C4orf51: variants seen among roughly 807,000 people sequenced by gnomAD.
C4orf51 encodes the protein chromosome 4 open reading frame 51.
In C4orf51, 25 loss-of-function variants were observed where a neutral mutation model predicts 25.2. That is an observed-to-expected ratio of 0.99 (90% CI 0.72 to 1.39). C4orf51 has a LOEUF of 1.39. Ranked by LOEUF, C4orf51 falls within the 40% of genes most tolerant of loss-of-function variation. The pLI is 0.00. For missense variants in C4orf51, 252 were observed against 239.6 expected, an observed-to-expected ratio of 1.05 and a Z score of -0.34; for synonymous variants, 100 against 84.5, an observed-to-expected ratio of 1.18 and a Z score of -1.01.
At chr4:145,706,696 A>G (rs952775992) in intron 2 of C4orf51, among the ~76,000 whole-genome samples, 2 of 152,006 alleles carry the variant, frequency 1.3e-5, no homozygotes, top group Non-Finnish European at 2.9e-5. Context: ...CCTGGAGTGC[A>G]GTGGCGCAAT....
chr4:145,694,818 C>T (rs1043383828), intron 1 of C4orf51, among the ~76,000 whole-genome samples: 4 of 151,994 alleles, frequency 2.6e-5, no homozygotes, highest in African/African-American at 7.3e-5. Flanking sequence ...TAGCACTTAT[C>T]TTATTTTGAA....
At chr4:145,741,281 T>A (rs1437973521) in intron 1 of C4orf51, among the ~76,000 whole-genome samples, 1 of 152,204 alleles carries the variant, frequency 6.6e-6, no homozygotes, top group Non-Finnish European at 1.5e-5. Context: ...AATACTTATT[T>A]TATAACTCTT....
chr4:145,764,705 T>C (rs1165775777), intron 1 of C4orf51: 1 of 438,348 alleles, frequency 2.3e-6, no homozygotes, highest in African/African-American at 2.0e-5. Context: ...TCAAGCAGTG[T>C]AGTCTATTCT....
At chr4:145,733,147 G>A (rs1161435425), downstream of C4orf51, among the ~76,000 whole-genome samples, 1 of 151,748 alleles carries the variant, frequency 6.6e-6, no homozygotes, top group Non-Finnish European at 1.5e-5. Flanking sequence ...CGCGCCCACG[G>A]CCCGCCCACC....
At chr4:145,708,026 G>A (rs947876604) in intron 2 of C4orf51, among the ~76,000 whole-genome samples, 3 of 152,204 alleles carry the variant, frequency 2.0e-5, no homozygotes, top group African/African-American at 7.2e-5. Flanking sequence ...GCAAGCCATG[G>A]ACATAGCTTT....
the C4orf51 span, among the ~76,000 whole-genome samples, chr4:145,780,898 G>A: frequency 5.3e-5 from 8 of 152,298 alleles, no homozygotes; most frequent in African/African-American, 1.7e-4. Context: ...CCTAATCCAC[G>A]CAGATGAAAA....
the C4orf51 span, chr4:145,776,070 T>A: frequency 7.9e-7 from 1 of 1,263,510 alleles, no homozygotes; most frequent in Non-Finnish European, 1.1e-6. Context: ...CAAGTCATAT[T>A]TCAGATGGAG....
the C4orf51 span, among the ~76,000 whole-genome samples, chr4:145,791,189 A>G: frequency 6.6e-6 from 1 of 152,246 alleles, no homozygotes; most frequent in African/African-American, 2.4e-5. Flanking sequence ...AGATCAAGGC[A>G]CTGGCAGATT....
chr4:145,681,201 C>G (rs911552837), intron 1 of C4orf51, among the ~76,000 whole-genome samples: 2 of 152,180 alleles, frequency 1.3e-5, no homozygotes, highest in African/African-American at 4.8e-5. Context: ...GTTATGAAAT[C>G]TATCCATCTG....
chr4:145,691,111 T>C (rs545421522), intron 1 of C4orf51, among the ~76,000 whole-genome samples: 3 of 150,944 alleles, frequency 2.0e-5, no homozygotes, highest in Non-Finnish European at 4.4e-5. Flanking sequence ...AGACCTTGTC[T>C]CAAAAAAAAA....
intron 5 of C4orf51, among the ~76,000 whole-genome samples, chr4:145,731,811 A>G (rs1411245854): frequency 6.6e-6 from 1 of 151,650 alleles, no homozygotes; most frequent in East Asian, 1.9e-4. Flanking sequence ...CGAACTCCTG[A>G]CCTCAGGTGA....
intron 2 of C4orf51, among the ~76,000 whole-genome samples, chr4:145,724,143 C>T (rs1447371920): frequency 1.3e-5 from 2 of 152,136 alleles, no homozygotes; most frequent in East Asian, 1.9e-4. Flanking sequence ...ATATCACTTA[C>T]TAATTAATGA....
In C4orf51 at chr4:145,743,990, G is replaced by A. The variant is rs557251222; in HGVS notation, n.168-10217G>A. On this transcript the variant is annotated intron_variant and non_coding_transcript_variant, in intron 1 of 1. Coordinates refer to the C4orf51 transcript ENST00000508981. ...ATTCAATATTTTCACAGCAATTTAT[G>A]TGTATTTTTCCTTGTATTATAATGC... 1.1e-4 allele frequency among the ~76,000 whole-genome samples: 17 copies of A among 152,268 alleles called. No individual in the cohort carries two copies. In the South Asian group the frequency reaches 3.3e-3, roughly 30 times the overall value.
downstream of C4orf51, among the ~76,000 whole-genome samples, chr4:145,771,623 G>C (rs939896357): frequency 3.9e-5 from 6 of 152,164 alleles, no homozygotes; most frequent in Non-Finnish European, 7.3e-5. Context: ...GGTGAGGAGG[G>C]ATCACTAAGC....
rs182208306 is a variant in C4orf51, at chr4:145,696,405, G to A, written c.234-154G>A. On this transcript the variant is annotated intron_variant, in intron 1 of 5. Transcript: ENST00000438731. ...TCTGTACAACAAACCCCCGTTACAC[G>A]AGTTTATCTAAATAACAAACCTTCA... Among the ~76,000 whole-genome samples, 12 of 152,238 alleles carry A rather than the reference G, an allele frequency of 7.9e-5. No homozygotes were observed. In the East Asian group the frequency reaches 2.1e-3, roughly 27 times the overall value.
downstream of C4orf51, among the ~76,000 whole-genome samples, chr4:145,755,869 C>T (rs150275584): frequency 1.1e-4 from 17 of 152,180 alleles, no homozygotes; most frequent in African/African-American, 3.9e-4. Flanking sequence ...AATCTTAAAT[C>T]TCCAAGGGAC....
chr4:145,735,412 C>T (rs1436075215), downstream of C4orf51, among the ~76,000 whole-genome samples: 1 of 152,134 alleles, frequency 6.6e-6, no homozygotes, highest in Non-Finnish European at 1.5e-5. Flanking sequence ...ATGAGGTGTA[C>T]ATTTTTTTCT....
At chr4:145,769,374 C>G (rs1446233141) in intron 1 of C4orf51, among the ~76,000 whole-genome samples, 1 of 152,080 alleles carries the variant, frequency 6.6e-6, no homozygotes, top group Non-Finnish European at 1.5e-5. Flanking sequence ...ACCCTGAATC[C>G]CTGATACTGC....
chr4:145,775,528 C>T (rs1036264214), downstream of C4orf51, among the ~76,000 whole-genome samples: 5 of 151,972 alleles, frequency 3.3e-5, no homozygotes, highest in African/African-American at 1.2e-4. Flanking sequence ...ATCCCCAGAG[C>T]CCGTCTCTGT....
Sources: gnomAD v4.1 joint callset for allele counts (sites outside exome capture counted in the v4.1 genomes callset) on GRCh38, gnomAD v4.1.1 for gene constraint, MANE v1.5 for transcripts, NCBI Gene and HGNC (gene_info 2026-07-23, HGNC 2026-07-21) for gene names.